The following ZDHHC21 variants were observed in gnomAD, a reference collection of about 807,000 sequenced individuals.
The protein encoded by ZDHHC21 is palmitoyltransferase ZDHHC21.
ZDHHC21 carries 15 observed loss-of-function variants against 34.6 expected under a neutral mutation model. That is an observed-to-expected ratio of 0.43 (90% CI 0.29 to 0.67). ZDHHC21 has a LOEUF of 0.67. Among genes scored for constraint, ZDHHC21 ranks in the 30% least tolerant of loss-of-function variants. ZDHHC21 has a pLI of 0.14. For synonymous variants in ZDHHC21, 142 were observed against 101.8 expected, an observed-to-expected ratio of 1.40 and a Z score of -2.38; for missense variants, 344 against 327.7, an observed-to-expected ratio of 1.05 and a Z score of -0.38.
At chr9:14,593,281 G>A in the ZDHHC21 span, among the ~76,000 whole-genome samples, 1 of 151,968 alleles carries the variant, frequency 6.6e-6, no homozygotes, top group Non-Finnish European at 1.5e-5. Flanking sequence ...AAAGAAGATA[G>A]GTTTCCAAAA....
the ZDHHC21 span, among the ~76,000 whole-genome samples, chr9:14,595,256 C>A: frequency 6.6e-6 from 1 of 152,264 alleles, no homozygotes; most frequent in African/African-American, 2.4e-5. Context: ...TGAAAGCAAT[C>A]CACATGTTCA....
chr9:14,689,187 C>T (rs189966649), intron 2 of ZDHHC21, among the ~76,000 whole-genome samples: 5 of 152,230 alleles, frequency 3.3e-5, no homozygotes, highest in Admixed American at 6.5e-5. Context: ...TATTTCTACA[C>T]GTTGGTTAGG....
chr9:14,595,723 T>C, the ZDHHC21 span, among the ~76,000 whole-genome samples: 5 of 151,994 alleles, frequency 3.3e-5, no homozygotes, highest in Non-Finnish European at 7.4e-5. Context: ...CAATTAAAAA[T>C]GGTCAAAAGA....
chr9:14,636,833 G>C (rs1828393558), intron 8 of ZDHHC21, among the ~76,000 whole-genome samples: 1 of 151,992 alleles, frequency 6.6e-6, no homozygotes, highest in African/African-American at 2.4e-5. Context: ...AAACTAGGTA[G>C]GAAATCACTT....
intron 5 of ZDHHC21, among the ~76,000 whole-genome samples, chr9:14,668,633 G>A (rs1165372571): frequency 6.6e-6 from 1 of 151,508 alleles, no homozygotes; most frequent in African/African-American, 2.4e-5. Context: ...AAAACAGCAT[G>A]GTACTGGTAC....
At chr9:14,688,811 G>A (rs936676103) in intron 2 of ZDHHC21, among the ~76,000 whole-genome samples, 11 of 152,102 alleles carry the variant, frequency 7.2e-5, no homozygotes, top group Admixed American at 2.0e-4. Context: ...GCAGTGAGCC[G>A]AGATCACCCC....
At chr9:14,596,061 A>G in the ZDHHC21 span, among the ~76,000 whole-genome samples, 3 of 152,144 alleles carry the variant, frequency 2.0e-5, no homozygotes, top group Non-Finnish European at 4.4e-5. Flanking sequence ...CAGTAATTCT[A>G]CTCTAAGGCA....
chr9:14,637,866 G>A (rs1162668879), intron 8 of ZDHHC21, among the ~76,000 whole-genome samples: 2 of 152,014 alleles, frequency 1.3e-5, no homozygotes, highest in African/African-American at 4.8e-5. Context: ...AAGCACTGAT[G>A]AAAGAAATTA....
chr9:14,645,436 T>C (rs1830123661), intron 7 of ZDHHC21, among the ~76,000 whole-genome samples: 1 of 152,036 alleles, frequency 6.6e-6, no homozygotes, highest in Non-Finnish European at 1.5e-5. Context: ...TTCTATCTCA[T>C]GAGAATCACA....
intron 7 of ZDHHC21, among the ~76,000 whole-genome samples, chr9:14,653,160 T>A (rs929089429): frequency 1.3e-5 from 2 of 151,954 alleles, no homozygotes; most frequent in Admixed American, 1.3e-4. Context: ...GAAAGGATAA[T>A]AAGATGAAGT....
chr9:14,659,013 C>T, intron 6 of ZDHHC21, 126 bp from the exon 7 acceptor site: 1 of 902,308 alleles, frequency 1.1e-6, no homozygotes, highest in Non-Finnish European at 1.6e-6. Context: ...ATGCTATGGC[C>T]ACTTGAAGGT....
rs1349385719 is a variant in ZDHHC21, at chr9:14,632,056, CACACACAA to C, written c.621+7832_621+7839del. ...GCCACAAACCTTCAACTAGTTAAAACACACACAAACACACACACACACACACACACACA... is the reference window on the plus strand; with the variant it reads ...GCCACAAACCTTCAACTAGTTAAAACACACACACACACACACACACACACA... On this transcript the variant is annotated intron_variant, in intron 8 of 9. Coordinates refer to ENST00000380916, the MANE Select transcript of ZDHHC21 (RefSeq NM_178566.6). Among the ~76,000 whole-genome samples the C allele has an allele frequency of 3.9e-3, 586 of 148,580 alleles. 5 individuals carry two copies. The highest frequency in any genetic ancestry group is 0.013 in the African/African-American group (535 of 40,132).
At chr9:14,689,289 A>T (rs1033511223) in intron 2 of ZDHHC21, among the ~76,000 whole-genome samples, 3 of 152,218 alleles carry the variant, frequency 2.0e-5, no homozygotes, top group Admixed American at 6.5e-5. Flanking sequence ...TTCAAGTAAA[A>T]GCAGGACTGG....
At chr9:14,607,713 A>T (rs1452280117), downstream of ZDHHC21, among the ~76,000 whole-genome samples, 3 of 152,184 alleles carry the variant, frequency 2.0e-5, no homozygotes, top group Non-Finnish European at 4.4e-5. Flanking sequence ...ATGTTTACAT[A>T]AAGTATAAAA....
chr9:14,659,446 A>G (rs1485197023), intron 6 of ZDHHC21, among the ~76,000 whole-genome samples: 1 of 152,228 alleles, frequency 6.6e-6, no homozygotes, highest in African/African-American at 2.4e-5. Flanking sequence ...ACACACAGCT[A>G]TACTTCCACC....
At chr9:14,605,335 GT>G in the ZDHHC21 span, among the ~76,000 whole-genome samples, 2 of 151,814 alleles carry the variant, frequency 1.3e-5, no homozygotes, top group Non-Finnish European at 2.9e-5. Flanking sequence ...GTACATAAGG[GT>G]TCCAATTTCC....
At chr9:14,675,763 G>C (rs920479884) in intron 3 of ZDHHC21, among the ~76,000 whole-genome samples, 1 of 151,970 alleles carries the variant, frequency 6.6e-6, no homozygotes. Flanking sequence ...CAAAATGTTA[G>C]TAGGGGCACA....
At chr9:14,600,406 C>T in the ZDHHC21 span, among the ~76,000 whole-genome samples, 1 of 152,122 alleles carries the variant, frequency 6.6e-6, no homozygotes, top group Non-Finnish European at 1.5e-5. Flanking sequence ...TTCACAACTG[C>T]TACAAAGAGA....
intron 7 of ZDHHC21, among the ~76,000 whole-genome samples, chr9:14,650,674 T>C (rs148264970): frequency 0.012 from 1,852 of 152,154 alleles, 16 homozygotes; most frequent in Middle Eastern, 0.051. Flanking sequence ...TTTTTTTTGT[T>C]AGCCAAAAGG....
Sources: gnomAD v4.1 joint callset for allele counts (sites outside exome capture counted in the v4.1 genomes callset) on GRCh38, gnomAD v4.1.1 for gene constraint, MANE v1.5 for transcripts, NCBI Gene and HGNC (gene_info 2026-07-23, HGNC 2026-07-21) for gene names.